Variants in KLC4 observed in about 807,000 individuals in gnomAD.
KLC4 encodes the protein kinesin light chain 4, also known as kinesin-like protein 8.
In KLC4, 49 loss-of-function variants were observed where a neutral mutation model predicts 77.2. The ratio of observed to expected loss-of-function variants is 0.63; its 90% CI spans 0.50 to 0.80. KLC4 has a LOEUF of 0.80. Ranked by LOEUF, KLC4 falls within the 30% of genes least tolerant of loss-of-function variation. KLC4 has a pLI of 0.00. For synonymous variants in KLC4, 274 were observed against 314.5 expected (o/e 0.87, Z 1.36); for missense variants, 669 against 793.5 (o/e 0.84, Z 1.89).
At position 43,061,548 on chromosome 6, in the gene KLC4, T is replaced by C; in HGVS notation, c.213T>C (p.Leu71=). 6.2e-7 allele frequency: 1 copy of C among 1,613,898 alleles called. No homozygotes were observed. Among genetic ancestry groups the C allele is most frequent in the Non-Finnish European group, 8.5e-7 (1 of 1,179,816 alleles). ...EGLVHEKARQ[L]RRSMENIELG... ...TGGTGCATGAGAAGGCCCGGCAGCT[T>C]CGCCGTTCTATGGAAAACATTGAGC... The change falls in exon 2 of 16, where the codon CTT becomes CTC. Residue 71 remains leucine, a synonymous_variant. Transcript: ENST00000347162.
chr6:43,061,684 C>T (rs1765172174), intron 2 of KLC4, 91 bp downstream of exon 2: 2 of 1,295,000 alleles, frequency 1.5e-6, no homozygotes, highest in Admixed American at 2.6e-5. Flanking sequence ...GATCACCTCA[C>T]TCTAGACGTT....
Position 43,065,641 on chromosome 6 carries a change from A to T in KLC4, c.511A>T (p.Thr171Ser), listed in dbSNP as rs1765384729. ...HTSEEKEGDATKDSLDDLFPN... is the reference protein window; with the variant it reads ...HTSEEKEGDASKDSLDDLFPN... The stretch of plus-strand genomic sequence containing the variant: ...CCAGGAGGAGAAAGAAGGCGATGCC[A>T]CCAAGGATTCCCTGGATGACCTCTT... Residue 171 changes from threonine to serine, a missense_variant, in exon 4 of 16, where the codon ACC (threonine) becomes TCC (serine). By Grantham distance (58) the Thr-to-Ser change is moderately conservative. Coordinates refer to ENST00000347162, the MANE Select transcript of KLC4 (RefSeq NM_201521.3). 1.2e-6 allele frequency: 2 copies of T among 1,613,866 alleles called. No individual in the cohort carries two copies. Among genetic ancestry groups the T allele is most frequent in the Non-Finnish European group, 1.7e-6 (2 of 1,179,774 alleles).
Position 43,067,017 on chromosome 6 carries a change from AGCT to A in KLC4, c.816_818del (p.Ala273del). 3.7e-6 allele frequency: 6 copies of A among 1,613,934 alleles called. No homozygotes were observed. Among genetic ancestry groups the A allele is most frequent in the Non-Finnish European group, 5.1e-6 (6 of 1,179,846 alleles). ...CCAGTGACCAGAATAAGTATAAGGAAGCTGCCCACCTGCTGAATGATGCCCTTA... is the reference window on the plus strand; with the variant it reads ...CCAGTGACCAGAATAAGTATAAGGAAGCCCACCTGCTGAATGATGCCCTTA... On this transcript the variant is annotated inframe_deletion, in exon 6 of 16. Transcript: ENST00000347162.
intron 1 of KLC4, chr6:43,061,089 C>CCT: frequency 1.8e-6 from 1 of 566,128 alleles, no homozygotes; most frequent in Non-Finnish European, 3.1e-6. Flanking sequence ...TATAGTCTTC[C>CCT]TTTATTTAAG....
At chr6:43,073,013 G>T in intron 13 of KLC4, 49 bp downstream of exon 13, 1 of 1,539,942 alleles carries the variant, frequency 6.5e-7, no homozygotes, top group Non-Finnish European at 8.7e-7. Flanking sequence ...TCCTGCTGGT[G>T]GTGGTGAGAG....
At chr6:43,064,196 T>C (rs1765305755) in intron 3 of KLC4, among the ~76,000 whole-genome samples, 1 of 152,140 alleles carries the variant, frequency 6.6e-6, no homozygotes, top group Non-Finnish European at 1.5e-5. Context: ...CAGGAGAACA[T>C]ATATGTGACA....
chr6:43,065,713 T>C lies in KLC4; in HGVS notation c.571+12T>C. 6.3e-7 allele frequency: 1 copy of C among 1,598,848 alleles called. No homozygotes were observed. The highest frequency in any genetic ancestry group is 8.6e-7 in the Non-Finnish European group (1 of 1,166,734). ...CCCCAGCAATGGCTGTGAGTCTGCC[T>C]CTGGAATGGGAGGGTGAAAAGGGGC... On this transcript the variant is annotated intron_variant, in intron 4 of 15. Coordinates refer to ENST00000347162, the MANE Select transcript of KLC4 (RefSeq NM_201521.3).
chr6:43,067,489 A>C (rs971491476), intron 6 of KLC4: 1 of 179,608 alleles, frequency 5.6e-6, no homozygotes, highest in Non-Finnish European at 1.2e-5. Flanking sequence ...TGTTAAAAGA[A>C]ATAGCAAAGT....
intron 12 of KLC4, 150 bp downstream of exon 12, chr6:43,072,405 T>G (rs1448200198): frequency 1.6e-6 from 1 of 640,004 alleles, no homozygotes; most frequent in Non-Finnish European, 2.7e-6. Flanking sequence ...TGATTGTGGT[T>G]GTTTTTAAGC....
chr6:43,070,783 G>C lies in KLC4; in HGVS notation c.1073G>C (p.Arg358Pro). The C allele has an allele frequency of 6.2e-7, 1 of 1,614,076 alleles. No individual in the cohort carries two copies. The highest frequency in any genetic ancestry group is 8.5e-7 in the Non-Finnish European group (1 of 1,180,010). ...CAGGGCAAGTATGAGGCCGTGGAAC[G>C]CTACTACCAGCGAGCACTGGCCATC... ...QNQGKYEAVERYYQRALAIYE... is the reference protein window; with the variant it reads ...QNQGKYEAVEPYYQRALAIYE... The change falls in exon 8 of 16, where the codon CGC becomes CCC. Residue 358 changes from arginine to proline, a missense_variant. Physicochemically the swap from Arg to Pro is moderately radical, Grantham distance 103. Coordinates refer to ENST00000347162, the MANE Select transcript of KLC4 (RefSeq NM_201521.3).
At position 43,073,876 on chromosome 6, in the gene KLC4, C is replaced by A. The variant is rs368227565; in HGVS notation, c.1746-26C>A. The A allele has an allele frequency of 1.1e-5, 17 of 1,613,224 alleles. No homozygotes were observed. The African/African-American group carries it at 1.7e-4, about 16-fold the overall frequency. ...GCCACTCAGGAGGAAGAGAGGAGGC[C>A]TCAATTCTTCCGTTTTCCATTGTAG... On this transcript the variant is annotated intron_variant, in intron 14 of 15. Transcript: ENST00000347162.
intron 6 of KLC4, 190 bp downstream of exon 6, chr6:43,067,273 G>A: frequency 8.0e-7 from 1 of 1,246,082 alleles, no homozygotes; most frequent in Non-Finnish European, 1.0e-6. Context: ...GAGACTCAGT[G>A]ACTCCTTTTT....
chr6:43,071,140 T>C (rs572468745), intron 8 of KLC4, 135 bp from the exon 9 acceptor site: 239 of 648,664 alleles, frequency 3.7e-4, no homozygotes, highest in Admixed American at 3.8e-4. Flanking sequence ...GAAAGATCTC[T>C]GGGGAAAGTG....
intron 1 of KLC4, chr6:43,060,051 C>A: frequency 6.7e-7 from 1 of 1,491,580 alleles, no homozygotes. Flanking sequence ...TACTGCGTTT[C>A]CAGGCCCAGG....
chr6:43,070,404 G>A lies in KLC4; in HGVS notation c.930G>A (p.Lys310=), dbSNP rs556971265. 7 of 1,614,174 alleles carry A rather than the reference G, an allele frequency of 4.3e-6. No homozygotes were observed. In the East Asian group the frequency reaches 1.3e-4, roughly 31 times the overall value. ...NLAVLYGKRG[K]YKEAEPLCQR... ...CTGTGCTCTATGGCAAAAGGGGCAA[G>A]TACAAGGAGGCAGAGCCTCTGTGCC... is the stretch of plus-strand genomic sequence containing the variant. The change falls in exon 7 of 16, where the codon AAG becomes AAA. Residue 310 remains lysine (K), a synonymous_variant. Coordinates refer to ENST00000347162, the MANE Select transcript of KLC4 (RefSeq NM_201521.3).
chr6:43,073,019 G>A, intron 13 of KLC4, 55 bp downstream of exon 13: 1 of 1,538,008 alleles, frequency 6.5e-7, no homozygotes, highest in Non-Finnish European at 8.7e-7. Context: ...TGGTGGTGGT[G>A]AGAGGCTCTT....
chr6:43,070,552 C>T (rs1765666880), intron 7 of KLC4, 97 bp downstream of exon 7: 1 of 1,362,760 alleles, frequency 7.3e-7, no homozygotes, highest in South Asian at 1.3e-5. Flanking sequence ...TTTTTTCTCA[C>T]CCCCATCTCT....
Position 43,066,308 on chromosome 6 carries a change from T to C in KLC4, c.574T>C (p.Ser192Pro), listed in dbSNP as rs1391658496. ...GTTTATGTTCTGTGATGGTTTAGTG[T>C]CCCGTGGTCAAGGTGCTACAGCAGC... ...EEEEDPSNGL[S>P]RGQGATAAQQ... Residue 192 changes from serine (S) to proline (P), a missense_variant and splice_region_variant, in exon 5 of 16, where the codon TCC (serine) becomes CCC (proline). Coordinates refer to ENST00000347162, the MANE Select transcript of KLC4 (RefSeq NM_201521.3). 4.3e-6 allele frequency: 7 copies of C among 1,613,636 alleles called. No individual in the cohort carries two copies. The highest frequency in any genetic ancestry group is 4.5e-5 in the East Asian group (2 of 44,870).
chr6:43,072,797 G>A, intron 12 of KLC4, 27 bp from the exon 13 acceptor site: 1 of 1,612,300 alleles, frequency 6.2e-7, no homozygotes, highest in Non-Finnish European at 8.5e-7. Context: ...GGAGTAGGAA[G>A]TCCCAGGTCC....
Sources: gnomAD v4.1 joint callset for allele counts (sites outside exome capture counted in the v4.1 genomes callset) on GRCh38, gnomAD v4.1.1 for gene constraint, MANE v1.5 for transcripts, NCBI Gene and HGNC (gene_info 2026-07-23, HGNC 2026-07-21) for gene names.